The following SSC4D variants were observed in gnomAD, a reference collection of about 807,000 sequenced individuals.
The protein encoded by SSC4D is scavenger receptor cysteine rich family member with 4 domains, also known as scavenger receptor cysteine-rich domain-containing group B protein.
Under a neutral mutation model 63.4 loss-of-function variants are expected in SSC4D, and 57 were observed. That is an observed-to-expected ratio of 0.90 (90% CI 0.73 to 1.12). The LOEUF (loss-of-function observed/expected upper bound fraction) is 1.12, where lower values mean the gene tolerates loss of function less well. Among genes scored for constraint, SSC4D ranks in the 50% most tolerant of loss-of-function variants. SSC4D has a pLI of 0.00. For synonymous variants in SSC4D, 352 were observed against 345.4 expected, an observed-to-expected ratio of 1.02 and a Z score of -0.21; for missense variants, 791 against 806.4, an observed-to-expected ratio of 0.98 and a Z score of 0.23.
Position 76,393,613 on chromosome 7 carries a change from A to G in SSC4D, c.1125T>C (p.Phe375=), listed in dbSNP as rs1804554532. 1.3e-6 allele frequency: 2 copies of G among 1,503,740 alleles called. No homozygotes were observed. The highest frequency in any genetic ancestry group is 2.7e-5 in the East Asian group (1 of 36,892). 93.1% of individuals were successfully genotyped at this position (1,503,740 alleles called of 1,614,324 possible). ...WGTVCDDDWD[F]ADARVACREA... is the part of the protein sequence containing the mutation. ...CGCGGCAGGCCACGCGCGCGTCCGC[A>G]AAGTCCCAGTCATCGTCGCACACGG... The change falls in exon 9 of 11, where the codon TTT becomes TTC. Residue 375 remains phenylalanine, a synonymous_variant. Coordinates refer to ENST00000275560, the MANE Select transcript of SSC4D (RefSeq NM_080744.2).
chr7:76,397,482 T>C (rs1199199248), intron 6 of SSC4D, 36 bp downstream of exon 6: 2 of 1,133,288 alleles, frequency 1.8e-6, no homozygotes, highest in Admixed American at 6.1e-5. Flanking sequence ...CCCGCCCACC[T>C]GCCCCGGCCC....
At chr7:76,405,274 TATATATATATATATATATA>T (rs1563686790) in intron 1 of SSC4D, among the ~76,000 whole-genome samples, 225 of 21,248 alleles carry the variant, frequency 0.011, 8 homozygotes, top group Non-Finnish European at 0.014. Context: ...CAGCTAATTA[TATATATATATATATATATA>T]TATATATATA....
Position 76,393,705 on chromosome 7 carries a change from G to A in SSC4D, c.1033C>T (p.Arg345Ter), listed in dbSNP as rs1372106031. 7.2e-7 allele frequency: 1 copy of A among 1,392,086 alleles called. No individual in the cohort carries two copies. The highest frequency in any genetic ancestry group is 9.3e-7 in the Non-Finnish European group (1 of 1,080,912). 86.2% of individuals were successfully genotyped at this position (1,392,086 alleles called of 1,614,324 possible). ...CACGGACCCGGGCCGCCCACCAGTC[G>A]CAGCCGTCCACCTGCGGGGCGCACA... ...WAAGKKSGRL[R>*]LVGGPGPCRG... Residue 345 changes from arginine (R) to a stop codon, truncating the protein, a stop_gained, in exon 9 of 11, where the codon CGA becomes TGA. Transcript: ENST00000275560. LOFTEE classifies it high-confidence loss of function.
At chr7:76,407,465 G>A (rs1421209090) in intron 1 of SSC4D, among the ~76,000 whole-genome samples, 1 of 152,046 alleles carries the variant, frequency 6.6e-6, no homozygotes, top group African/African-American at 2.4e-5. Context: ...CTGAGTAGCT[G>A]GGATTACAGG....
chr7:76,404,231 C>G, intron 2 of SSC4D, 76 bp downstream of exon 2: 1 of 1,456,476 alleles, frequency 6.9e-7, no homozygotes, highest in Non-Finnish European at 9.1e-7. Context: ...CAACCCTCCT[C>G]CTACTATAAA....
At chr7:76,401,347 CA>C (rs1368258117) in intron 2 of SSC4D, among the ~76,000 whole-genome samples, 1 of 152,196 alleles carries the variant, frequency 6.6e-6, no homozygotes, top group East Asian at 1.9e-4. Context: ...ACAGGAGTCT[CA>C]GCTCCTGAGC....
chr7:76,402,028 TC>T (rs1438269389), intron 2 of SSC4D, among the ~76,000 whole-genome samples: 11 of 151,940 alleles, frequency 7.2e-5, no homozygotes, highest in Non-Finnish European at 1.6e-4. Flanking sequence ...TTCTTCTTCT[TC>T]TTCTTTTTAA....
chr7:76,397,918 T>C (rs6963070), intron 5 of SSC4D, 86 bp from the exon 6 acceptor site: 640,610 of 1,342,494 alleles, frequency 0.48, 156,295 homozygotes, highest in African/African-American at 0.65. Context: ...TGTCCCAGGA[T>C]CTACAACCCT....
intron 6 of SSC4D, 63 bp from the exon 7 acceptor site, chr7:76,395,393 G>A (rs1389322627): frequency 6.5e-7 from 1 of 1,532,470 alleles, no homozygotes; most frequent in Admixed American, 1.7e-5. Context: ...TCAGCCATGG[G>A]CTGTCAGGGG....
At chr7:76,404,538 T>C (rs1804938092) in intron 1 of SSC4D, 33 bp from the exon 2 acceptor site, 1 of 1,576,996 alleles carries the variant, frequency 6.3e-7, no homozygotes, top group Admixed American at 1.7e-5. Flanking sequence ...TTGCTGGGCC[T>C]CCCAGCACTT....
At chr7:76,404,655 G>A in intron 1 of SSC4D, 150 bp from the exon 2 acceptor site, 1 of 636,226 alleles carries the variant, frequency 1.6e-6, no homozygotes, top group Non-Finnish European at 2.7e-6. Flanking sequence ...ATGAGGCCGG[G>A]TGTGGTGGCT....
At chr7:76,394,768 T>TAA (rs1491261229) in intron 7 of SSC4D, among the ~76,000 whole-genome samples, 7 of 122,132 alleles carry the variant, frequency 5.7e-5, no homozygotes, top group African/African-American at 1.0e-4. Context: ...TATATATATA[T>TAA]AAAATATGTA....
intron 2 of SSC4D, 94 bp from the exon 3 acceptor site, chr7:76,401,137 A>T: frequency 7.1e-7 from 1 of 1,415,566 alleles, no homozygotes; most frequent in Non-Finnish European, 9.3e-7. Context: ...AGTCCTCAAC[A>T]TTACCCCCAT....
intron 3 of SSC4D, 89 bp downstream of exon 3, chr7:76,400,919 G>A (rs574793996): frequency 6.6e-7 from 1 of 1,511,400 alleles, no homozygotes; most frequent in East Asian, 2.5e-5. Context: ...AGGGGGGCTG[G>A]TTAGTCATCA....
intron 2 of SSC4D, among the ~76,000 whole-genome samples, chr7:76,403,868 G>A (rs950219726): frequency 1.3e-5 from 2 of 152,008 alleles, no homozygotes; most frequent in Admixed American, 6.6e-5. Flanking sequence ...TCACCATGTT[G>A]GCCAGGCTGG....
At chr7:76,407,207 C>T (rs530217847) in intron 1 of SSC4D, among the ~76,000 whole-genome samples, 20 of 152,284 alleles carry the variant, frequency 1.3e-4, no homozygotes, top group Admixed American at 5.9e-4. Context: ...GTGATACACC[C>T]GCCTCGGTCT....
intron 1 of SSC4D, among the ~76,000 whole-genome samples, chr7:76,407,535 C>G (rs577684321): frequency 6.6e-6 from 1 of 151,900 alleles, no homozygotes; most frequent in Non-Finnish European, 1.5e-5. Flanking sequence ...ATTTCAAGAC[C>G]GGCCTAGGCA....
intron 10 of SSC4D, among the ~76,000 whole-genome samples, 174 bp from the exon 11 acceptor site, chr7:76,390,549 G>C (rs1357455386): frequency 1.3e-5 from 2 of 152,230 alleles, no homozygotes; most frequent in Non-Finnish European, 2.9e-5. Context: ...TGGGCACAAT[G>C]GCTCACGCCT....
At chr7:76,391,715 A>ACAGGATCCTTAT (rs1804497696) in intron 10 of SSC4D, among the ~76,000 whole-genome samples, 1 of 152,118 alleles carries the variant, frequency 6.6e-6, no homozygotes, top group Admixed American at 6.6e-5. Context: ...TCTGCTCAGG[A>ACAGGATCCTTAT]CAGGATCCTT....
Sources: gnomAD v4.1 joint callset for allele counts (sites outside exome capture counted in the v4.1 genomes callset) on GRCh38, gnomAD v4.1.1 for gene constraint, MANE v1.5 for transcripts, NCBI Gene and HGNC (gene_info 2026-07-23, HGNC 2026-07-21) for gene names.